The following MAML3 variants were observed in gnomAD, a reference collection of about 807,000 sequenced individuals.
MAML3 encodes mastermind-like protein 3.
MAML3 carries 27 observed loss-of-function variants against 101.9 expected under a neutral mutation model. The observed-to-expected ratio is 0.27, with a 90% confidence interval of 0.20 to 0.37. The LOEUF (loss-of-function observed/expected upper bound fraction) is 0.37, where lower values mean the gene tolerates loss of function less well. Among genes scored for constraint, MAML3 ranks in the 10% least tolerant of loss-of-function variants. MAML3 has a pLI of 1.00. For synonymous variants in MAML3, 501 were observed against 555.9 expected (o/e 0.90, Z 1.39); for missense variants, 1,316 against 1,444.9 (o/e 0.91, Z 1.45).
chr4:140,078,159 G>C (rs189796162), intron 1 of MAML3, among the ~76,000 whole-genome samples: 3 of 152,056 alleles, frequency 2.0e-5, no homozygotes, highest in African/African-American at 7.2e-5. Context: ...TTGTAACAGG[G>C]TCTGAAAACA....
chr4:140,014,327 G>A (rs1049009817), intron 1 of MAML3, among the ~76,000 whole-genome samples: 4 of 152,302 alleles, frequency 2.6e-5, no homozygotes, highest in East Asian at 1.9e-4. Flanking sequence ...TCCAAAAGCC[G>A]AATGTAGACA....
intron 1 of MAML3, among the ~76,000 whole-genome samples, chr4:140,139,594 C>A (rs1728949413): frequency 6.6e-6 from 1 of 152,174 alleles, no homozygotes; most frequent in Admixed American, 6.5e-5. Context: ...TATTATAAAT[C>A]ATCTCCGGAC....
chr4:140,000,244 G>A (rs147002979), intron 1 of MAML3, among the ~76,000 whole-genome samples: 1,815 of 151,800 alleles, frequency 0.012, 73 homozygotes, highest in Admixed American at 0.079. Flanking sequence ...ACTTTCAATG[G>A]CTCTTTATTG....
intron 1 of MAML3, among the ~76,000 whole-genome samples, chr4:139,945,975 C>G (rs1333607626): frequency 2.0e-5 from 3 of 152,210 alleles, no homozygotes; most frequent in Non-Finnish European, 1.5e-5. Context: ...CTTCTCAGTC[C>G]TGATTAACTA....
chr4:140,059,846 T>C (rs772896238), intron 1 of MAML3, among the ~76,000 whole-genome samples: 9 of 152,182 alleles, frequency 5.9e-5, no homozygotes, highest in Non-Finnish European at 8.8e-5. Context: ...AAATCAAATA[T>C]GCATCTTTTT....
intron 2 of MAML3, among the ~76,000 whole-genome samples, chr4:139,796,347 A>AT (rs1312104843): frequency 6.6e-6 from 1 of 152,226 alleles, no homozygotes; most frequent in African/African-American, 2.4e-5. Flanking sequence ...GGCTTAATAT[A>AT]TTTTTGATGA....
chr4:140,056,251 G>A (rs1727347101), intron 1 of MAML3, among the ~76,000 whole-genome samples: 1 of 152,032 alleles, frequency 6.6e-6, no homozygotes, highest in African/African-American at 2.4e-5. Flanking sequence ...CTACATTCCA[G>A]TTTCCCAAGT....
At chr4:140,063,467 C>T (rs1425110841) in intron 1 of MAML3, among the ~76,000 whole-genome samples, 13 of 152,172 alleles carry the variant, frequency 8.5e-5, no homozygotes, top group Non-Finnish European at 1.5e-5. Context: ...AAGAGAGGTC[C>T]CCTGTCCTCC....
intron 1 of MAML3, among the ~76,000 whole-genome samples, chr4:140,022,681 C>G (rs1371190288): frequency 6.6e-6 from 1 of 152,168 alleles, no homozygotes; most frequent in Non-Finnish European, 1.5e-5. Context: ...AAGAAAAATT[C>G]ATCTCTTCTT....
chr4:140,073,294 T>C lies in MAML3; in HGVS notation c.468+79566A>G, dbSNP rs571718956. Among the ~76,000 whole-genome samples, 3 of 152,136 alleles carry C rather than the reference T, an allele frequency of 2.0e-5. No individual in the cohort carries two copies. In the South Asian group the frequency reaches 6.2e-4, roughly 32 times the overall value. On this transcript the variant is annotated intron_variant, in intron 1 of 4. Coordinates refer to ENST00000509479, the MANE Select transcript of MAML3 (RefSeq NM_018717.5). ...CTGGGATTATAGGCGCCTGCCACCA[T>C]GCCCGGCTAATTTTTGTATTTTTAG... is the stretch of plus-strand genomic sequence containing the variant.
At chr4:139,776,650 T>TA (rs1730102772) in intron 2 of MAML3, among the ~76,000 whole-genome samples, 1 of 152,120 alleles carries the variant, frequency 6.6e-6, no homozygotes, top group Non-Finnish European at 1.5e-5. Flanking sequence ...ACGCGCAAAA[T>TA]GGTGCATTTA....
chr4:139,994,691 G>T (rs574522229), intron 1 of MAML3, among the ~76,000 whole-genome samples: 1 of 152,200 alleles, frequency 6.6e-6, no homozygotes, highest in Admixed American at 6.5e-5. Context: ...TTAATTAATA[G>T]AAATGGAACG....
At chr4:139,934,413 T>G (rs1733466282) in intron 1 of MAML3, among the ~76,000 whole-genome samples, 1 of 151,906 alleles carries the variant, frequency 6.6e-6, no homozygotes, top group African/African-American at 2.4e-5. Flanking sequence ...ATGTGGCAAT[T>G]CTCTTCTCAA....
At chr4:139,995,240 G>A (rs74575781) in intron 1 of MAML3, among the ~76,000 whole-genome samples, 1 of 152,104 alleles carries the variant, frequency 6.6e-6, no homozygotes, top group African/African-American at 2.4e-5. Context: ...ACATTAATGG[G>A]ATAAATCCCA....
chr4:139,927,957 T>C (rs1379505294), intron 1 of MAML3, among the ~76,000 whole-genome samples: 6 of 152,236 alleles, frequency 3.9e-5, no homozygotes, highest in Admixed American at 3.9e-4. Context: ...AGCTTATTGC[T>C]ACTGGGCTGT....
At chr4:140,127,006 C>T (rs1202579201) in intron 1 of MAML3, among the ~76,000 whole-genome samples, 2 of 152,220 alleles carry the variant, frequency 1.3e-5, no homozygotes, top group South Asian at 2.1e-4. Context: ...CCTCCCTCCA[C>T]CCAGTCTTGG....
At position 140,153,150 on chromosome 4, in the gene MAML3, G is replaced by C. The variant is rs1312427129; in HGVS notation, c.178C>G (p.Pro60Ala). Residue 60 changes from proline (P) to alanine (A), a missense_variant, in exon 1 of 5, where the codon CCC (proline) becomes GCC (alanine). Coordinates refer to ENST00000509479, the MANE Select transcript of MAML3 (RefSeq NM_018717.5). Reference sequence around the variant, plus strand: ...GGAACGGCCGCCGAACCGCCGCCGGGGCCCCCGGAGCCGCCGCATCCACCG... The same window carrying C: ...GGAACGGCCGCCGAACCGCCGCCGGCGCCCCCGGAGCCGCCGCATCCACCG... ...AAGGCGGSGG[P>A]GGGSAAVPKH... The C allele has an allele frequency of 6.5e-7, 1 of 1,550,264 alleles. No homozygotes were observed. Among genetic ancestry groups the C allele is most frequent in the Non-Finnish European group, 8.7e-7 (1 of 1,146,854 alleles).
At chr4:140,152,217 G>C (rs1467532684) in intron 1 of MAML3, among the ~76,000 whole-genome samples, 1 of 152,178 alleles carries the variant, frequency 6.6e-6, no homozygotes, top group African/African-American at 2.4e-5. Context: ...GCACCCCCGC[G>C]CGCAGCCACC....
At chr4:139,752,791 C>T (rs575156510) in intron 2 of MAML3, among the ~76,000 whole-genome samples, 1 of 152,190 alleles carries the variant, frequency 6.6e-6, no homozygotes, top group African/African-American at 2.4e-5. Flanking sequence ...AAGCTAGAGG[C>T]AGGCAATAAT....
Sources: allele counts gnomAD v4.1 joint callset (sites outside exome capture counted in the v4.1 genomes callset), GRCh38; gene constraint gnomAD v4.1.1; transcripts MANE v1.5; gene names NCBI Gene and HGNC (gene_info 2026-07-23, HGNC 2026-07-21).